Variants in KAZN observed in about 807,000 individuals in gnomAD.
The protein encoded by KAZN is kazrin.
In KAZN, 40 loss-of-function variants were observed where a neutral mutation model predicts 87.4. The ratio of observed to expected loss-of-function variants is 0.46; its 90% confidence interval spans 0.36 to 0.60. The LOEUF (loss-of-function observed/expected upper bound fraction) is 0.60. Ranked by LOEUF, KAZN falls within the 20% of genes least tolerant of loss-of-function variation. KAZN has a pLI of 0.00. For synonymous variants in KAZN, 466 were observed against 458.3 expected (o/e 1.02, Z -0.22); for missense variants, 898 against 1,073.9 (o/e 0.84, Z 2.29).
At chr1:15,013,138 C>T (rs1669743816) in intron 2 of KAZN, among the ~76,000 whole-genome samples, 1 of 152,180 alleles carries the variant, frequency 6.6e-6, no homozygotes, top group Non-Finnish European at 1.5e-5. Flanking sequence ...ATAAGGCCTC[C>T]CTCCTGTAGA....
chr1:14,303,176 GA>G (rs1654680783), intron 2 of KAZN, among the ~76,000 whole-genome samples: 1 of 152,114 alleles, frequency 6.6e-6, no homozygotes. Context: ...GTGGTCTATG[GA>G]CTAGCTGTGT....
At chr1:15,055,409 G>A (rs539375415) in intron 4 of KAZN, among the ~76,000 whole-genome samples, 6 of 152,190 alleles carry the variant, frequency 3.9e-5, no homozygotes, top group South Asian at 2.1e-4. Flanking sequence ...CCCGGGAGGC[G>A]GAGGTTGCAG....
At position 15,101,610 on chromosome 1, in the gene KAZN, T is replaced by C; in HGVS notation, c.1615T>C (p.Ser539Pro). ...GGCCTGGCTGAATGACATTGGCCTG[T>C]CCCAGTACTCCCAGGCCTTTCAGAA... ...AKAWLNDIGL[S>P]QYSQAFQNHL... The change falls in exon 11 of 15, where the codon TCC becomes CCC. Residue 539 changes from serine (S) to proline (P), a missense_variant. Ser to Pro is a moderately conservative substitution (Grantham distance 74). Around this residue, in one of 3 missense-constraint regions of KAZN, gnomAD observed 521 missense variants for 689.4 expected, o/e 0.76. Coordinates refer to ENST00000376030, the MANE Select transcript of KAZN (RefSeq NM_201628.3). 6.4e-7 allele frequency: 1 copy of C among 1,556,924 alleles called. No individual in the cohort carries two copies. Among genetic ancestry groups the C allele is most frequent in the Non-Finnish European group, 8.7e-7 (1 of 1,149,782 alleles).
chr1:14,659,886 A>G lies in KAZN; in HGVS notation c.226+60663A>G, dbSNP rs142572056. On this transcript the variant is annotated intron_variant, in intron 1 of 14. Transcript: ENST00000376030. ...TCAAAACAATACACATTCTTTAAAA[A>G]AAAAAAAAGAAAGCCAAACAACAAA... 3.8e-3 allele frequency among the ~76,000 whole-genome samples: 574 copies of G among 152,256 alleles called. 13 individuals are homozygous for G. In the East Asian group the frequency reaches 0.042, roughly 11 times the overall value.
chr1:14,215,852 G>A (rs1176619613), intron 2 of KAZN, among the ~76,000 whole-genome samples: 1 of 152,104 alleles, frequency 6.6e-6, no homozygotes, highest in African/African-American at 2.4e-5. Context: ...TGAACTGAGA[G>A]GTCAGGGAGG....
intron 2 of KAZN, among the ~76,000 whole-genome samples, chr1:14,515,429 A>G (rs886097039): frequency 1.3e-5 from 2 of 152,234 alleles, no homozygotes; most frequent in Admixed American, 6.5e-5. Flanking sequence ...TGTTCATGAC[A>G]TGGAAGCGGC....
At chr1:14,427,069 A>T (rs1396075406) in intron 2 of KAZN, among the ~76,000 whole-genome samples, 1 of 152,162 alleles carries the variant, frequency 6.6e-6, no homozygotes, top group African/African-American at 2.4e-5. Flanking sequence ...AGACCTGTAA[A>T]ATTGTTTACT....
intron 8 of KAZN, chr1:15,067,163 G>A: frequency 1.0e-6 from 1 of 985,610 alleles, no homozygotes; most frequent in Middle Eastern, 5.2e-4. Context: ...GTGTTGTTAG[G>A]GGAGGCACCC....
chr1:15,046,718 G>C (rs1477107791), intron 4 of KAZN, among the ~76,000 whole-genome samples: 1 of 152,226 alleles, frequency 6.6e-6, no homozygotes, highest in East Asian at 1.9e-4. Flanking sequence ...CTGACCCCTA[G>C]TGGTGAGAAC....
At position 15,010,983 on chromosome 1, in the gene KAZN, C is replaced by A. The variant is rs903442332; in HGVS notation, c.419-23766C>A. On this transcript the variant is annotated intron_variant, in intron 2 of 14. Transcript: ENST00000376030. The stretch of plus-strand genomic sequence containing the variant: ...AAGCTTCCATCATCAGGAAATGGTT[C>A]AAGCAATACATTTATTGAGTTTCAT... 1.4e-4 allele frequency among the ~76,000 whole-genome samples: 21 copies of A among 152,172 alleles called. 1 individual carries two copies. The highest frequency in any genetic ancestry group is 6.5e-5 in the Admixed American group (1 of 15,276).
Position 14,154,953 on chromosome 1 carries a change from T to TCTTCCTTCCCTCCTTC in KAZN, c.92-25473_92-25472insCTCCTTCCTTCCTTCC, listed in dbSNP as rs1553136616. On this transcript the variant is annotated intron_variant, in intron 1 of 16. Coordinates refer to the KAZN transcript ENST00000636203. ...TCATCAGAGATTGGCTTGTAGTTTT[T>TCTTCCTTCCCTCCTTC]CTTCCTTCCTTCCTTCCTTCCTTCC... Among the ~76,000 whole-genome samples the TCTTCCTTCCCTCCTTC allele has an allele frequency of 2.2e-5, 3 of 134,794 alleles. No homozygotes were observed. In the East Asian group the frequency reaches 6.8e-4, roughly 31 times the overall value. The allele number at this position is 134,794 out of a possible 152,430, so 88.4% of individuals were successfully genotyped here. A position where few individuals can be genotyped will look rare whatever the true frequency, so the allele number is the denominator to read the frequency against.
At chr1:15,109,653 TTGTG>T (rs1641419852) in intron 13 of KAZN, among the ~76,000 whole-genome samples, 1 of 29,834 alleles carries the variant, frequency 3.4e-5, no homozygotes, top group Admixed American at 4.6e-4. Context: ...GTTTGTATGT[TTGTG>T]TATGTGTTTA....
intron 1 of KAZN, among the ~76,000 whole-genome samples, chr1:14,812,863 C>T (rs1646454384): frequency 6.6e-6 from 1 of 152,128 alleles, no homozygotes; most frequent in South Asian, 2.1e-4. Context: ...AAAACTCTGA[C>T]CAAGCGTGGC....
At chr1:15,074,692 G>A (rs542145335) in intron 8 of KAZN, among the ~76,000 whole-genome samples, 13 of 152,296 alleles carry the variant, frequency 8.5e-5, no homozygotes, top group African/African-American at 3.1e-4. Flanking sequence ...TCTTTCACGG[G>A]GAGATGGGGG....
At chr1:14,883,982 GTCT>G (rs1181161207) in intron 1 of KAZN, among the ~76,000 whole-genome samples, 1 of 152,164 alleles carries the variant, frequency 6.6e-6, no homozygotes, top group Non-Finnish European at 1.5e-5. Context: ...ATCTGTATGT[GTCT>G]TCTTAGGTGC....
intron 1 of KAZN, among the ~76,000 whole-genome samples, chr1:14,791,731 T>C (rs1364263133): frequency 6.6e-6 from 1 of 152,234 alleles, no homozygotes; most frequent in East Asian, 1.9e-4. Flanking sequence ...CGGAACATCC[T>C]GTTGCAGAGA....
At chr1:14,000,507 A>G (rs1639736233) in intron 1 of KAZN, among the ~76,000 whole-genome samples, 1 of 152,194 alleles carries the variant, frequency 6.6e-6, no homozygotes, top group Non-Finnish European at 1.5e-5. Flanking sequence ...ACATCCCTTC[A>G]TGTTAAAAAC....
chr1:14,527,098 A>G (rs996059944), intron 2 of KAZN, among the ~76,000 whole-genome samples: 1 of 152,156 alleles, frequency 6.6e-6, no homozygotes, highest in African/African-American at 2.4e-5. Context: ...ATCATGTCTC[A>G]TAGTTGGACT....
In KAZN at chr1:14,598,931, CCG is replaced by C. The variant is rs1676713323; in HGVS notation, c.-61_-60del. 6.4e-7 allele frequency: 1 copy of C among 1,554,278 alleles called. No homozygotes were observed. The highest frequency in any genetic ancestry group is 2.0e-5 in the Admixed American group (1 of 50,274). On this transcript the variant is annotated 5_prime_UTR_variant, in exon 1 of 15. Transcript: ENST00000376030. The surrounding 1 kb of genome is among the most constrained non-coding windows in gnomAD (Gnocchi z 4.2). ...AACAGGTAGAGCCGGGGGTGCCCGGCCGCGCGCCCCCCGCGCATCATGCAGCT... is the reference window on the plus strand; with the variant it reads ...AACAGGTAGAGCCGGGGGTGCCCGGCCGCGCCCCCCGCGCATCATGCAGCT...
Sources: gnomAD v4.1 joint callset for allele counts (sites outside exome capture counted in the v4.1 genomes callset) on GRCh38, gnomAD v4.1.1 for gene constraint, gnomAD v4.1.1 regional missense constraint, Gnocchi (gnomAD v3.1) non-coding constraint, MANE v1.5 for transcripts, NCBI Gene and HGNC (gene_info 2026-07-23, HGNC 2026-07-21) for gene names.